The following SH3D19 variants were observed in gnomAD, a reference collection of about 807,000 sequenced individuals.
SH3D19 encodes the protein SH3 domain-containing protein 19.
Under a neutral mutation model 112.1 loss-of-function variants are expected in SH3D19, and 58 were observed. The ratio of observed to expected loss-of-function variants is 0.52; its 90% CI spans 0.42 to 0.64. The LOEUF (loss-of-function observed/expected upper bound fraction) is 0.64. Among genes scored for constraint, SH3D19 ranks in the 30% least tolerant of loss-of-function variants. The pLI, the probability that SH3D19 is intolerant of heterozygous loss-of-function variation, is 0.00. For missense variants in SH3D19, 1,090 were observed against 1,263.4 expected (o/e 0.86, Z 2.08); for synonymous variants, 391 against 448.5 (o/e 0.87, Z 1.62).
chr4:151,186,181 T>C (rs1761747052), intron 3 of SH3D19, among the ~76,000 whole-genome samples: 1 of 152,236 alleles, frequency 6.6e-6, no homozygotes, highest in Non-Finnish European at 1.5e-5. Context: ...GTTCTATTTT[T>C]AAAGAGATCT....
chr4:151,139,999 A>G, intron 12 of SH3D19, 152 bp from the exon 13 acceptor site: 4 of 563,968 alleles, frequency 7.1e-6, no homozygotes, highest in Non-Finnish European at 1.2e-5. Context: ...TGAGCCAAAC[A>G]AGGGAATTAT....
intron 7 of SH3D19, among the ~76,000 whole-genome samples, chr4:151,170,968 G>A (rs1758932965): frequency 6.6e-6 from 1 of 152,128 alleles, no homozygotes; most frequent in African/African-American, 2.4e-5. Flanking sequence ...CCTGTATCTT[G>A]CATTTTTCAC....
chr4:151,230,054 G>A (rs1327822473), intron 1 of SH3D19, among the ~76,000 whole-genome samples: 1 of 152,220 alleles, frequency 6.6e-6, no homozygotes, highest in Non-Finnish European at 1.5e-5. Flanking sequence ...GAACAGTTAG[G>A]GGAGTGGTGG....
intron 1 of SH3D19, among the ~76,000 whole-genome samples, chr4:151,257,934 G>C (rs564005625): frequency 1.3e-5 from 2 of 152,202 alleles, no homozygotes; most frequent in East Asian, 3.9e-4. Context: ...AACCAACAAA[G>C]CCAGTCCTTG....
At chr4:151,245,263 T>C (rs1191658296) in intron 1 of SH3D19, among the ~76,000 whole-genome samples, 3 of 152,164 alleles carry the variant, frequency 2.0e-5, no homozygotes. Flanking sequence ...TTTGTTCAAG[T>C]CTTAATTAAG....
At chr4:151,158,062 C>T (rs540243469) in intron 9 of SH3D19, among the ~76,000 whole-genome samples, 1 of 152,174 alleles carries the variant, frequency 6.6e-6, no homozygotes, top group African/African-American at 2.4e-5. Flanking sequence ...TAATATATAG[C>T]TTCAAATAGC....
intron 2 of SH3D19, among the ~76,000 whole-genome samples, chr4:151,222,355 A>G (rs887155641): frequency 1.3e-5 from 2 of 152,200 alleles, no homozygotes; most frequent in Admixed American, 6.5e-5. Context: ...ACAGTTTCCA[A>G]TATCTGCTTC....
intron 17 of SH3D19, among the ~76,000 whole-genome samples, chr4:151,131,428 G>A (rs1750665562): frequency 6.6e-6 from 1 of 150,422 alleles, no homozygotes; most frequent in South Asian, 2.1e-4. Flanking sequence ...TTATTAGAAA[G>A]GTTAAATATT....
chr4:151,129,314 A>G (rs1750103810), intron 17 of SH3D19, among the ~76,000 whole-genome samples: 2 of 152,206 alleles, frequency 1.3e-5, no homozygotes, highest in Admixed American at 1.3e-4. Context: ...CAGCTCTGCC[A>G]ATTTGGGATG....
At chr4:151,131,735 G>A (rs543781339) in intron 17 of SH3D19, among the ~76,000 whole-genome samples, 9 of 152,046 alleles carry the variant, frequency 5.9e-5, no homozygotes, top group Non-Finnish European at 1.0e-4. Context: ...TGATCCGCCC[G>A]CCTCGGCTTC....
intron 1 of SH3D19, among the ~76,000 whole-genome samples, chr4:151,304,962 A>G (rs969425010): frequency 1.3e-5 from 2 of 152,080 alleles, no homozygotes; most frequent in Non-Finnish European, 2.9e-5. Context: ...CTAGGCATAA[A>G]ACAAAACAAA....
chr4:151,139,908 AC>A, intron 12 of SH3D19, 61 bp from the exon 13 acceptor site: 1 of 1,525,416 alleles, frequency 6.6e-7, no homozygotes, highest in Non-Finnish European at 9.0e-7. Flanking sequence ...TTTATTATTC[AC>A]TCTGAGACCA....
chr4:151,156,852 ACAAC>A (rs1166713042), intron 9 of SH3D19, among the ~76,000 whole-genome samples: 1 of 152,244 alleles, frequency 6.6e-6, no homozygotes, highest in Admixed American at 6.5e-5. Flanking sequence ...AGTAAAGGAA[ACAAC>A]CAACAGAGTG....
At chr4:151,249,392 T>A (rs894730103) in intron 1 of SH3D19, among the ~76,000 whole-genome samples, 3 of 152,188 alleles carry the variant, frequency 2.0e-5, no homozygotes, top group Non-Finnish European at 4.4e-5. Flanking sequence ...TGGATGGAGA[T>A]CATAAATAAA....
intron 3 of SH3D19, among the ~76,000 whole-genome samples, chr4:151,180,929 A>AT (rs67090009): frequency 0.15 from 19,302 of 131,660 alleles, 2,367 homozygotes; most frequent in African/African-American, 0.31. Context: ...ATGCCCGGCT[A>AT]TTTTTTTTTT....
chr4:151,167,368 G>T, intron 7 of SH3D19, among the ~76,000 whole-genome samples: 1 of 151,588 alleles, frequency 6.6e-6, no homozygotes. Flanking sequence ...GAAACATTAA[G>T]AATTATATAA....
chr4:151,158,079 G>A (rs920762378), intron 9 of SH3D19, among the ~76,000 whole-genome samples: 9 of 152,046 alleles, frequency 5.9e-5, no homozygotes, highest in African/African-American at 1.9e-4. Context: ...TAGCTGGAAG[G>A]AAGATATTGA....
intron 1 of SH3D19, among the ~76,000 whole-genome samples, chr4:151,238,187 A>G (rs138806755): frequency 2.6e-5 from 4 of 152,292 alleles, no homozygotes; most frequent in Non-Finnish European, 1.5e-5. Flanking sequence ...ATTTTCTAAG[A>G]CTTAAGAGAA....
chr4:151,146,780 C>T (rs181378952), intron 11 of SH3D19, among the ~76,000 whole-genome samples: 17 of 151,764 alleles, frequency 1.1e-4, no homozygotes, highest in Admixed American at 3.3e-4. Context: ...GTGATCCACC[C>T]GCCTCGGCCT....
Sources: gnomAD v4.1 joint callset for allele counts (sites outside exome capture counted in the v4.1 genomes callset) on GRCh38, gnomAD v4.1.1 for gene constraint, MANE v1.5 for transcripts, NCBI Gene and HGNC (gene_info 2026-07-23, HGNC 2026-07-21) for gene names.